CFAP52: variants seen among roughly 807,000 people sequenced by gnomAD.
CFAP52 encodes the protein cilia- and flagella-associated protein 52.
A neutral mutation model predicts 70.5 loss-of-function variants in CFAP52; 57 were observed. That is an observed-to-expected ratio of 0.81 (90% CI 0.65 to 1.01). CFAP52 has a LOEUF of 1.01. Among genes scored for constraint, CFAP52 ranks in the 50% least tolerant of loss-of-function variants. The probability of loss-of-function intolerance (pLI) is 0.00; values close to 1 mark genes in which losing one functional copy is unlikely to be tolerated. For missense variants in CFAP52, 785 were observed against 788.5 expected, an observed-to-expected ratio of 1.00 and a Z score of 0.05; for synonymous variants, 267 against 292.5, an observed-to-expected ratio of 0.91 and a Z score of 0.89.
At chr17:9,590,660 C>G (rs1290613201) in intron 3 of CFAP52, among the ~76,000 whole-genome samples, 3 of 152,162 alleles carry the variant, frequency 2.0e-5, no homozygotes, top group Non-Finnish European at 4.4e-5. Flanking sequence ...CCAATCCCAC[C>G]CCCTGTCAAA....
At position 9,586,748 on chromosome 17, in the gene CFAP52, G is replaced by C; in HGVS notation, c.321G>C (p.Leu107=). 5.0e-6 allele frequency: 8 copies of C among 1,613,818 alleles called. No homozygotes were observed. Among genetic ancestry groups the C allele is most frequent in the Non-Finnish European group, 6.8e-6 (8 of 1,179,948 alleles). The change falls in exon 3 of 14, where the codon CTG becomes CTC. Residue 107 remains leucine (L), a synonymous_variant. Transcript: ENST00000352665. ...DYKNRELLAR[L]SLHKGKIEAL... Reference sequence around the variant, plus strand: ...AGAACAGAGAGCTGCTTGCTCGGCTGTCCCTTCACAAAGGCAAAATTGAAG... The same window carrying C: ...AGAACAGAGAGCTGCTTGCTCGGCTCTCCCTTCACAAAGGCAAAATTGAAG...
Position 9,631,079 on chromosome 17 carries a change from AAAG to A in CFAP52, c.1175-1807_1175-1805del, listed in dbSNP as rs1567635032. Among the ~76,000 whole-genome samples, 144 of 133,670 alleles carry A rather than the reference AAAG, an allele frequency of 1.1e-3. 9 individuals are homozygous for A. The highest frequency in any genetic ancestry group is 4.1e-3 in the African/African-American group (138 of 33,622). The allele number at this position is 133,670 out of a possible 152,430, so 87.7% of individuals were successfully genotyped here. A position where few individuals can be genotyped will look rare whatever the true frequency, so the allele number is the denominator to read the frequency against. On this transcript the variant is annotated intron_variant, in intron 9 of 13. Coordinates refer to ENST00000352665, the MANE Select transcript of CFAP52 (RefSeq NM_145054.5). ...GAAAGAAAGAAAGAAAGAAAGAAAG[AAAG>A]AGAAAGAAAGAAAGAGAAAGAAAGA...
At chr17:9,628,885 C>T in intron 9 of CFAP52, 65 bp downstream of exon 9, 4 of 1,603,712 alleles carry the variant, frequency 2.5e-6, no homozygotes, top group Non-Finnish European at 3.4e-6. Context: ...TGTCACTCTC[C>T]TCCCATACTA....
chr17:9,585,538 GC>G (rs1475216513), intron 1 of CFAP52, among the ~76,000 whole-genome samples: 5 of 152,088 alleles, frequency 3.3e-5, no homozygotes, highest in Admixed American at 3.3e-4. Context: ...AGGTGTGGTG[GC>G]GGGTGCCTGT....
At chr17:9,592,808 T>C (rs1908824634) in intron 3 of CFAP52, among the ~76,000 whole-genome samples, 1 of 152,236 alleles carries the variant, frequency 6.6e-6, no homozygotes, top group African/African-American at 2.4e-5. Context: ...TTATTAATAA[T>C]GGCGCTATGA....
chr17:9,602,237 G>A (rs560679111), intron 6 of CFAP52, among the ~76,000 whole-genome samples: 7 of 152,112 alleles, frequency 4.6e-5, no homozygotes, highest in African/African-American at 7.2e-5. Flanking sequence ...TTAACCCGTC[G>A]TCTACATTAA....
At chr17:9,616,754 G>T (rs924706062) in intron 8 of CFAP52, among the ~76,000 whole-genome samples, 5 of 136,284 alleles carry the variant, frequency 3.7e-5, no homozygotes, top group African/African-American at 1.2e-4. Context: ...CACCTCACAC[G>T]GCAGGGTATT....
At chr17:9,603,730 G>A (rs147201188) in intron 6 of CFAP52, among the ~76,000 whole-genome samples, 290 of 152,294 alleles carry the variant, frequency 1.9e-3, no homozygotes, top group African/African-American at 6.7e-3. Context: ...TAATATAGAT[G>A]ATGTAGATGA....
At chr17:9,596,059 GTATATATATATATATATATA>G (rs796314327) in intron 4 of CFAP52, among the ~76,000 whole-genome samples, 16 of 85,212 alleles carry the variant, frequency 1.9e-4, no homozygotes, top group Non-Finnish European at 3.0e-4. Flanking sequence ...ATATGTGTGT[GTATATATATATATATATATA>G]TATATATATA....
chr17:9,584,315 A>T, intron 1 of CFAP52: 2 of 1,290,114 alleles, frequency 1.6e-6, no homozygotes, highest in South Asian at 1.2e-5. Flanking sequence ...GGAGTACGGG[A>T]GTTGCCTGTG....
chr17:9,604,806 A>T (rs983432907), intron 6 of CFAP52, among the ~76,000 whole-genome samples: 1 of 148,510 alleles, frequency 6.7e-6, no homozygotes, highest in Non-Finnish European at 1.5e-5. Flanking sequence ...AATAAATAAA[A>T]GAAGATATAC....
chr17:9,604,787 AAAT>A (rs1411365396), intron 6 of CFAP52, among the ~76,000 whole-genome samples: 1 of 150,802 alleles, frequency 6.6e-6, no homozygotes, highest in Non-Finnish European at 1.5e-5. Context: ...ATAAATAAAT[AAAT>A]AAATAAATAA....
chr17:9,632,549 G>T (rs1308541848), intron 9 of CFAP52, among the ~76,000 whole-genome samples: 1 of 152,174 alleles, frequency 6.6e-6, no homozygotes, highest in Non-Finnish European at 1.5e-5. Flanking sequence ...TTGGATGAAG[G>T]AGGTACCAGT....
intron 6 of CFAP52, among the ~76,000 whole-genome samples, chr17:9,607,520 A>T (rs1281505152): frequency 1.3e-5 from 2 of 152,234 alleles, no homozygotes; most frequent in South Asian, 4.1e-4. Context: ...TTAAATTTTA[A>T]ATATGTTTCC....
chr17:9,605,084 A>G (rs1429990017), intron 6 of CFAP52, among the ~76,000 whole-genome samples: 2 of 152,114 alleles, frequency 1.3e-5, no homozygotes, highest in Non-Finnish European at 2.9e-5. Flanking sequence ...CAGCAGTTGC[A>G]CTCCTTGCTA....
intron 3 of CFAP52, 120 bp from the exon 4 acceptor site, chr17:9,594,073 T>G: frequency 3.6e-6 from 5 of 1,404,138 alleles, no homozygotes; most frequent in Admixed American, 5.3e-5. Context: ...AATTTTGTTG[T>G]TCGTTTTTAA....
At chr17:9,590,734 T>A (rs1908709079) in intron 3 of CFAP52, among the ~76,000 whole-genome samples, 1 of 152,162 alleles carries the variant, frequency 6.6e-6, no homozygotes, top group Admixed American at 6.5e-5. Context: ...ACTGTTAATC[T>A]CTGCTGTAAT....
chr17:9,615,864 T>C (rs1305205421), intron 8 of CFAP52, among the ~76,000 whole-genome samples: 1 of 134,836 alleles, frequency 7.4e-6, no homozygotes, highest in East Asian at 2.4e-4. Context: ...GGTTTTCAAC[T>C]GCCATCCTCA....
At chr17:9,616,239 G>A (rs1204972285) in intron 8 of CFAP52, among the ~76,000 whole-genome samples, 1 of 149,112 alleles carries the variant, frequency 6.7e-6, no homozygotes, top group African/African-American at 2.5e-5. Context: ...AGGGGTGACG[G>A]ACGCACCTGG....
Sources: allele counts gnomAD v4.1 joint callset (sites outside exome capture counted in the v4.1 genomes callset), GRCh38; gene constraint gnomAD v4.1.1; transcripts MANE v1.5; gene names NCBI Gene and HGNC (gene_info 2026-07-23, HGNC 2026-07-21).